Variants in MAPK14 observed in about 807,000 individuals in gnomAD.
MAPK14 encodes the protein mitogen-activated protein kinase 14.
Under a neutral mutation model 49.6 loss-of-function variants are expected in MAPK14, and 16 were observed. The ratio of observed to expected loss-of-function variants is 0.32; its 90% CI spans 0.22 to 0.49. MAPK14 has a LOEUF of 0.49. Among genes scored for constraint, MAPK14 ranks in the 20% least tolerant of loss-of-function variants. The pLI is 0.99. For synonymous variants in MAPK14, 142 were observed against 158.0 expected (o/e 0.90, Z 0.76); for missense variants, 200 against 441.2 (o/e 0.45, Z 4.90).
At chr6:36,060,977 G>A (rs1451105235) in intron 3 of MAPK14, among the ~76,000 whole-genome samples, 2 of 152,178 alleles carry the variant, frequency 1.3e-5, no homozygotes, top group Non-Finnish European at 2.9e-5. Flanking sequence ...AGCCCTGCTT[G>A]ATACAACAAT....
intron 3 of MAPK14, among the ~76,000 whole-genome samples, chr6:36,071,169 C>T (rs539714097): frequency 3.3e-5 from 5 of 152,026 alleles, no homozygotes; most frequent in South Asian, 4.2e-4. Flanking sequence ...CCCGCCTCTA[C>T]TAAAAATACA....
Position 36,088,420 on chromosome 6 carries a change from C to A in MAPK14, c.683-7567C>A, listed in dbSNP as rs903316633. ...TTTAAACAAATTTACAAGGAAAAAACCCATTAAAAAGTTGGCAAAGGGCCA... is the reference window on the plus strand; with the variant it reads ...TTTAAACAAATTTACAAGGAAAAAAACCATTAAAAAGTTGGCAAAGGGCCA... On this transcript the variant is annotated intron_variant, in intron 8 of 11. Coordinates refer to ENST00000229794, the MANE Select transcript of MAPK14 (RefSeq NM_139012.3). Among the ~76,000 whole-genome samples the A allele has an allele frequency of 1.2e-4, 19 of 152,196 alleles. No individual in the cohort carries two copies. The East Asian group carries it at 3.1e-3, about 25-fold the overall frequency.
chr6:36,108,176 A>AG (rs1316828772), intron 11 of MAPK14, among the ~76,000 whole-genome samples: 2 of 152,186 alleles, frequency 1.3e-5, no homozygotes, highest in African/African-American at 4.8e-5. Context: ...GAAAAACATG[A>AG]GAAAAAAAAT....
intron 2 of MAPK14, among the ~76,000 whole-genome samples, chr6:36,055,636 A>T (rs1763563113): frequency 6.6e-6 from 1 of 152,176 alleles, no homozygotes. Flanking sequence ...ATTTCCATTT[A>T]AGAAATGAGA....
chr6:36,113,533 T>C (rs1013696143), downstream of MAPK14, among the ~76,000 whole-genome samples: 12 of 152,106 alleles, frequency 7.9e-5, no homozygotes, highest in African/African-American at 2.7e-4. Context: ...GCAACATACA[T>C]TGTGAAGGAG....
intron 8 of MAPK14, among the ~76,000 whole-genome samples, chr6:36,095,410 C>T (rs1344337747): frequency 6.6e-6 from 1 of 152,216 alleles, no homozygotes; most frequent in African/African-American, 2.4e-5. Context: ...AGAGGCGAGG[C>T]TTCCCTTTCC....
Position 36,047,139 on chromosome 6 carries a change from GGAAAA to G in MAPK14, c.117-5556_117-5552del, listed in dbSNP as rs573167142. Among the ~76,000 whole-genome samples, 364 of 152,278 alleles carry G rather than the reference GGAAAA, an allele frequency of 2.4e-3. 2 individuals carry two copies. Among genetic ancestry groups the G allele is most frequent in the African/African-American group, 8.3e-3 (346 of 41,550 alleles). On this transcript the variant is annotated intron_variant, in intron 1 of 11. Transcript: ENST00000229794. Reference sequence around the variant, plus strand: ...ATGGGTTTGTAGGAGCAATGGGAGTGGAAAAGAAGAGAACCACCACCCTCTTTTAT... The same window carrying G: ...ATGGGTTTGTAGGAGCAATGGGAGTGGAAGAGAACCACCACCCTCTTTTAT...
intron 1 of MAPK14, among the ~76,000 whole-genome samples, chr6:36,037,898 G>A (rs7745927): frequency 0.14 from 21,711 of 151,840 alleles, 1,903 homozygotes; most frequent in African/African-American, 0.26. Context: ...CTGAGGTGGA[G>A]GGATTGCTTG....
intron 1 of MAPK14, among the ~76,000 whole-genome samples, chr6:36,032,434 G>T (rs568824725): frequency 6.6e-6 from 1 of 152,298 alleles, no homozygotes; most frequent in African/African-American, 2.4e-5. Flanking sequence ...TTGTTGCAAA[G>T]CATTGATTTT....
chr6:36,081,765 A>G (rs1313951897), intron 8 of MAPK14, among the ~76,000 whole-genome samples: 2 of 152,054 alleles, frequency 1.3e-5, no homozygotes, highest in African/African-American at 4.8e-5. Context: ...TGGCATTTCT[A>G]TTTCTGCAAA....
intron 8 of MAPK14, among the ~76,000 whole-genome samples, chr6:36,087,618 C>G (rs1218909098): frequency 6.6e-6 from 1 of 152,162 alleles, no homozygotes; most frequent in African/African-American, 2.4e-5. Flanking sequence ...CTACAAACCA[C>G]TGCTGAAGGA....
At chr6:36,067,335 G>A (rs924925041) in intron 3 of MAPK14, among the ~76,000 whole-genome samples, 3 of 152,026 alleles carry the variant, frequency 2.0e-5, no homozygotes, top group Admixed American at 6.6e-5. Flanking sequence ...CTCCATCACC[G>A]TATGTCCCTT....
chr6:36,037,179 T>A (rs978330770), intron 1 of MAPK14, among the ~76,000 whole-genome samples: 1 of 152,206 alleles, frequency 6.6e-6, no homozygotes, highest in Non-Finnish European at 1.5e-5. Flanking sequence ...ATGTCACTCA[T>A]TTTTTTGTGA....
intron 1 of MAPK14, chr6:36,029,239 C>T (rs1039772323): frequency 6.6e-6 from 1 of 152,198 alleles, no homozygotes; most frequent in South Asian, 2.1e-4. Context: ...AGGGAGTTAT[C>T]TAGTTATCTG....
At chr6:36,101,164 G>A (rs1024129588) in intron 9 of MAPK14, among the ~76,000 whole-genome samples, 1 of 152,176 alleles carries the variant, frequency 6.6e-6, no homozygotes, top group Admixed American at 6.5e-5. Flanking sequence ...GGAAGGCTGG[G>A]TGTGGTGGCG....
At chr6:36,087,528 C>A (rs1316242576) in intron 8 of MAPK14, among the ~76,000 whole-genome samples, 1 of 152,160 alleles carries the variant, frequency 6.6e-6, no homozygotes, top group African/African-American at 2.4e-5. Flanking sequence ...AACTCTTATT[C>A]ACAACTGCTA....
At chr6:36,037,945 C>T (rs113905973) in intron 1 of MAPK14, among the ~76,000 whole-genome samples, 2,642 of 151,800 alleles carry the variant, frequency 0.017, 77 homozygotes, top group African/African-American at 0.06. Context: ...GAAGTTGAGG[C>T]TGTAGTGAGC....
At chr6:36,114,112 C>CTA (rs1766020340), downstream of MAPK14, among the ~76,000 whole-genome samples, 2 of 152,222 alleles carry the variant, frequency 1.3e-5, no homozygotes, top group South Asian at 4.1e-4. Context: ...GGCCTCTACC[C>CTA]ACTAATGCCA....
intron 3 of MAPK14, among the ~76,000 whole-genome samples, chr6:36,065,866 T>C (rs1182013201): frequency 1.3e-5 from 2 of 152,188 alleles, no homozygotes; most frequent in African/African-American, 2.4e-5. Flanking sequence ...AGCATACTAG[T>C]TGAAAATCTG....
Sources: gnomAD v4.1 joint callset for allele counts (sites outside exome capture counted in the v4.1 genomes callset) on GRCh38, gnomAD v4.1.1 for gene constraint, MANE v1.5 for transcripts, NCBI Gene and HGNC (gene_info 2026-07-23, HGNC 2026-07-21) for gene names.